SLC39A10: variants seen among roughly 807,000 people sequenced by gnomAD.
The protein encoded by SLC39A10 is zinc transporter ZIP10.
Under a neutral mutation model 65.1 loss-of-function variants are expected in SLC39A10, and 13 were observed. The ratio of observed to expected loss-of-function variants is 0.20; its 90% CI spans 0.13 to 0.32. SLC39A10 has a LOEUF of 0.32. Ranked by LOEUF, SLC39A10 falls within the 10% of genes least tolerant of loss-of-function variation. The pLI is 1.00. For missense variants in SLC39A10, 831 were observed against 1,018.4 expected (o/e 0.82, Z 2.50); for synonymous variants, 321 against 342.2 (o/e 0.94, Z 0.68).
At chr2:195,670,373 A>G (rs1689810085) in intron 1 of SLC39A10, 1 of 152,144 alleles carries the variant, frequency 6.6e-6, no homozygotes. Context: ...ACAACATTCA[A>G]CAATATAGAC....
intron 2 of SLC39A10, among the ~76,000 whole-genome samples, chr2:195,615,458 C>T (rs574283113): frequency 3.9e-5 from 6 of 152,222 alleles, no homozygotes; most frequent in South Asian, 2.1e-4. Context: ...CCACTATGAC[C>T]GGCCATCTGG....
At chr2:195,718,784 A>T (rs1436891542) in intron 8 of SLC39A10, among the ~76,000 whole-genome samples, 1 of 152,172 alleles carries the variant, frequency 6.6e-6, no homozygotes, top group African/African-American at 2.4e-5. Context: ...TAGAAAGTTA[A>T]TATTGATGTT....
intron 8 of SLC39A10, among the ~76,000 whole-genome samples, chr2:195,727,262 T>C (rs989997412): frequency 1.3e-5 from 2 of 152,194 alleles, no homozygotes; most frequent in African/African-American, 4.8e-5. Flanking sequence ...TTTTCCCTCC[T>C]GTGAGTTTTT....
At chr2:195,633,046 C>G (rs1214239382) in intron 2 of SLC39A10, among the ~76,000 whole-genome samples, 6 of 152,206 alleles carry the variant, frequency 3.9e-5, no homozygotes, top group Non-Finnish European at 1.5e-5. Flanking sequence ...GCTTTTCACA[C>G]AGAGGGGAAA....
At chr2:195,717,164 G>C (rs911350921) in intron 7 of SLC39A10, 159 bp downstream of exon 7, 6 of 914,132 alleles carry the variant, frequency 6.6e-6, no homozygotes, top group Non-Finnish European at 9.6e-6. Context: ...ACATTTGGAG[G>C]TGTAAGGGTA....
At chr2:195,697,133 C>T (rs903268686) in intron 3 of SLC39A10, among the ~76,000 whole-genome samples, 4 of 152,012 alleles carry the variant, frequency 2.6e-5, no homozygotes, top group Non-Finnish European at 4.4e-5. Flanking sequence ...GAAAAATATC[C>T]ATGTATTAAG....
At chr2:195,713,381 G>T (rs114906562) in intron 5 of SLC39A10, 52 bp from the exon 6 acceptor site, 3 of 1,395,438 alleles carry the variant, frequency 2.1e-6, no homozygotes, top group Non-Finnish European at 2.9e-6. Context: ...GTTGCTAATT[G>T]TGTCCTCACA....
At chr2:195,613,894 C>T (rs10497763) in intron 2 of SLC39A10, among the ~76,000 whole-genome samples, 26,229 of 152,110 alleles carry the variant, frequency 0.17, 2,402 homozygotes, top group Middle Eastern at 0.36. Flanking sequence ...TAACTGTTGT[C>T]AAACTTATTA....
At chr2:195,649,587 C>A (rs1688991064) in intron 2 of SLC39A10, among the ~76,000 whole-genome samples, 1 of 152,170 alleles carries the variant, frequency 6.6e-6, no homozygotes, top group African/African-American at 2.4e-5. Context: ...ACAAATGAGC[C>A]TTTTTAAAAA....
chr2:195,737,409 T>TG lies in SLC39A10; in HGVS notation c.*2369dup, dbSNP rs1256704932. 7.0e-5 allele frequency: 4 copies of TG among 56,778 alleles called. No individual in the cohort carries two copies. Among genetic ancestry groups the TG allele is most frequent in the African/African-American group, 1.4e-4 (4 of 29,464 alleles). 3.5% of individuals were successfully genotyped at this position (56,778 alleles called of 1,614,324 possible). A position where few individuals can be genotyped will look rare whatever the true frequency, so the allele number is the denominator to read the frequency against. On this transcript the variant is annotated 3_prime_UTR_variant, in exon 10 of 10. Coordinates refer to ENST00000359634, the MANE Select transcript of SLC39A10 (RefSeq NM_020342.3). ...CACATTGCATTCAATCAATCAGCTG[T>TG]GATTGATTGATTATGCTTAGAAATA...
chr2:195,713,393 T>C, intron 5 of SLC39A10, 40 bp from the exon 6 acceptor site: 13 of 1,464,424 alleles, frequency 8.9e-6, no homozygotes, highest in Non-Finnish European at 1.2e-5. Flanking sequence ...GTCCTCACAT[T>C]TTATACTAAT....
At chr2:195,687,486 T>G (rs1044902459) in intron 3 of SLC39A10, among the ~76,000 whole-genome samples, 1 of 152,220 alleles carries the variant, frequency 6.6e-6, no homozygotes, top group Non-Finnish European at 1.5e-5. Flanking sequence ...AAGTTACAGC[T>G]TATTCAATCT....
intron 7 of SLC39A10, 116 bp from the exon 8 acceptor site, chr2:195,718,136 A>T (rs1691887427): frequency 2.9e-6 from 2 of 694,584 alleles, no homozygotes; most frequent in Non-Finnish European, 2.4e-6. Context: ...TAAGTGAGTC[A>T]CTCATATGTT....
chr2:195,673,639 T>G (rs1689965631), intron 1 of SLC39A10, among the ~76,000 whole-genome samples: 1 of 152,222 alleles, frequency 6.6e-6, no homozygotes, highest in Non-Finnish European at 1.5e-5. Context: ...CTAGAAAGGC[T>G]GGATAAGTCA....
At chr2:195,719,641 A>T (rs1574311202) in intron 8 of SLC39A10, among the ~76,000 whole-genome samples, 2 of 150,778 alleles carry the variant, frequency 1.3e-5, no homozygotes, top group East Asian at 3.9e-4. Context: ...TCTTTGAGAC[A>T]GAGTCTTCCT....
chr2:195,680,484 A>G lies in SLC39A10; in HGVS notation c.442A>G (p.Lys148Glu), dbSNP rs1168722352. ...TCAAACTGTGACCAGTGTATCCACAAAAAGAAACCATAAATGTGATCCAGA... is the reference window on the plus strand; with the variant it reads ...TCAAACTGTGACCAGTGTATCCACAGAAAGAAACCATAAATGTGATCCAGA... Reference protein sequence around the residue: ...ENQTVTSVSTKRNHKCDPEKE... With the variant: ...ENQTVTSVSTERNHKCDPEKE... Residue 148 changes from lysine to glutamate, a missense_variant, in exon 2 of 10, where the codon AAA becomes GAA. Transcript: ENST00000359634. 23 of 1,614,094 alleles carry G rather than the reference A, an allele frequency of 1.4e-5. No homozygotes were observed. The highest frequency in any genetic ancestry group is 1.9e-5 in the Non-Finnish European group (23 of 1,180,036).
intron 8 of SLC39A10, among the ~76,000 whole-genome samples, chr2:195,724,829 G>A (rs1692177849): frequency 6.6e-6 from 1 of 152,108 alleles, no homozygotes; most frequent in Non-Finnish European, 1.5e-5. Context: ...GAAAGGGGAA[G>A]GAACTTGAAT....
chr2:195,661,408 G>A (rs1425873039), intron 1 of SLC39A10, among the ~76,000 whole-genome samples: 4 of 152,140 alleles, frequency 2.6e-5, no homozygotes, highest in Non-Finnish European at 5.9e-5. Context: ...ATAATAGTAT[G>A]TATTTATTTA....
At chr2:195,652,574 T>A (rs1180542688), upstream of SLC39A10, among the ~76,000 whole-genome samples, 5 of 148,492 alleles carry the variant, frequency 3.4e-5, no homozygotes, top group East Asian at 2.0e-4. Context: ...AGAAAGAAAA[T>A]TTTAAAAAAA....
Sources: gnomAD v4.1 joint callset for allele counts (sites outside exome capture counted in the v4.1 genomes callset) on GRCh38, gnomAD v4.1.1 for gene constraint, MANE v1.5 for transcripts, NCBI Gene and HGNC (gene_info 2026-07-23, HGNC 2026-07-21) for gene names.